The following KCNMA1 variants were observed in gnomAD, a reference collection of about 807,000 sequenced individuals.
KCNMA1 encodes potassium calcium-activated channel subfamily M alpha 1.
Under a neutral mutation model 140.0 loss-of-function variants are expected in KCNMA1, and 29 were observed. The ratio of observed to expected loss-of-function variants is 0.21; its 90% CI spans 0.15 to 0.28. The LOEUF is 0.28. Among genes scored for constraint, KCNMA1 ranks in the 10% least tolerant of loss-of-function variants. The pLI, the probability that KCNMA1 is intolerant of heterozygous loss-of-function variation, is 1.00. For synonymous variants in KCNMA1, 612 were observed against 611.9 expected (o/e 1.00, Z 0.00); for missense variants, 880 against 1,602.2 (o/e 0.55, Z 7.70).
chr10:76,915,952 T>C (rs1382078983), intron 23 of KCNMA1, among the ~76,000 whole-genome samples: 1 of 152,134 alleles, frequency 6.6e-6, no homozygotes, highest in East Asian at 1.9e-4. Flanking sequence ...CTGGAGTTCC[T>C]GGGGCAAGCA....
chr10:77,530,506 A>C (rs1270220075), intron 1 of KCNMA1, among the ~76,000 whole-genome samples: 2 of 152,232 alleles, frequency 1.3e-5, no homozygotes, highest in African/African-American at 2.4e-5. Context: ...AAAAGTGGCC[A>C]TCTTGTCCAC....
At chr10:76,895,042 T>G (rs548604400) in intron 25 of KCNMA1, among the ~76,000 whole-genome samples, 1 of 152,342 alleles carries the variant, frequency 6.6e-6, no homozygotes, top group South Asian at 2.1e-4. Context: ...GACCCGCACT[T>G]AATCGGTTAT....
At chr10:77,464,598 G>A (rs2097946196) in intron 1 of KCNMA1, among the ~76,000 whole-genome samples, 2 of 152,126 alleles carry the variant, frequency 1.3e-5, no homozygotes, top group Non-Finnish European at 2.9e-5. Context: ...TATCACTACT[G>A]CACTTGAGAA....
At chr10:77,435,184 C>T (rs1273008756) in intron 1 of KCNMA1, among the ~76,000 whole-genome samples, 6 of 151,970 alleles carry the variant, frequency 3.9e-5, no homozygotes, top group Non-Finnish European at 5.9e-5. Flanking sequence ...GCGATCTTCC[C>T]GCCTCAGCCT....
intron 1 of KCNMA1, among the ~76,000 whole-genome samples, chr10:77,584,284 C>T (rs562359217): frequency 1.1e-4 from 17 of 152,196 alleles, no homozygotes; most frequent in African/African-American, 3.6e-4. Context: ...CCAACATATA[C>T]GTAAGACTTG....
At chr10:76,890,146 G>GC (rs1205529906) in intron 26 of KCNMA1, among the ~76,000 whole-genome samples, 1 of 152,204 alleles carries the variant, frequency 6.6e-6, no homozygotes, top group Non-Finnish European at 1.5e-5. Flanking sequence ...TTCCCTAGGA[G>GC]CCAGGGGTCT....
intron 1 of KCNMA1, among the ~76,000 whole-genome samples, chr10:77,457,396 T>C (rs1353492987): frequency 6.6e-6 from 1 of 152,126 alleles, no homozygotes; most frequent in East Asian, 1.9e-4. Flanking sequence ...ATTATATCTA[T>C]CACCTCTGGG....
At chr10:77,138,612 C>A (rs1018047721) in intron 5 of KCNMA1, among the ~76,000 whole-genome samples, 1 of 152,136 alleles carries the variant, frequency 6.6e-6, no homozygotes, top group African/African-American at 2.4e-5. Context: ...ATGGTCTTTT[C>A]AAATATCCAT....
At chr10:77,283,343 G>T (rs2069398317) in intron 2 of KCNMA1, among the ~76,000 whole-genome samples, 1 of 152,220 alleles carries the variant, frequency 6.6e-6, no homozygotes. Context: ...GAGGAGGAGG[G>T]AGAAGGAGGC....
At chr10:76,918,722 A>T (rs776444826) in intron 23 of KCNMA1, among the ~76,000 whole-genome samples, 2 of 152,180 alleles carry the variant, frequency 1.3e-5, no homozygotes, top group Non-Finnish European at 2.9e-5. Flanking sequence ...CATTTTATCC[A>T]GCAATCCCAC....
intron 1 of KCNMA1, among the ~76,000 whole-genome samples, chr10:77,422,447 T>C (rs2096887475): frequency 6.6e-6 from 1 of 152,232 alleles, no homozygotes; most frequent in Admixed American, 6.5e-5. Context: ...AGCTGGAGTT[T>C]GCTCCTCCAT....
At chr10:76,972,748 T>A (rs1431525491) in intron 19 of KCNMA1, among the ~76,000 whole-genome samples, 2 of 152,160 alleles carry the variant, frequency 1.3e-5, no homozygotes, top group South Asian at 2.1e-4. Flanking sequence ...GCAGATCTGT[T>A]CCCTGAAGAG....
chr10:76,998,881 T>G (rs1318430147), intron 19 of KCNMA1, among the ~76,000 whole-genome samples: 1 of 152,220 alleles, frequency 6.6e-6, no homozygotes, highest in Non-Finnish European at 1.5e-5. Context: ...GAATGGATTT[T>G]TCTAACTTAT....
intron 3 of KCNMA1, among the ~76,000 whole-genome samples, chr10:77,227,752 A>G (rs773987731): frequency 6.6e-6 from 1 of 150,972 alleles, no homozygotes; most frequent in Non-Finnish European, 1.5e-5. Context: ...TTGTTCACAT[A>G]AAATGGCTAA....
At chr10:77,099,671 G>A (rs940521722) in intron 9 of KCNMA1, among the ~76,000 whole-genome samples, 6 of 149,410 alleles carry the variant, frequency 4.0e-5, no homozygotes, top group African/African-American at 7.4e-5. Context: ...CCAAGATTGC[G>A]CCATTGCACT....
intron 18 of KCNMA1, among the ~76,000 whole-genome samples, chr10:77,003,248 T>C (rs2087102608): frequency 6.6e-6 from 1 of 152,186 alleles, no homozygotes; most frequent in East Asian, 1.9e-4. Context: ...GTTCAGATCA[T>C]CATGCAGCCC....
intron 25 of KCNMA1, among the ~76,000 whole-genome samples, chr10:76,894,468 A>C (rs1161800498): frequency 6.6e-6 from 1 of 152,250 alleles, no homozygotes; most frequent in Admixed American, 6.5e-5. Flanking sequence ...CAAGAAGAAC[A>C]GATTAAATTG....
chr10:77,232,037 G>A (rs1415984479), intron 3 of KCNMA1, among the ~76,000 whole-genome samples: 2 of 152,178 alleles, frequency 1.3e-5, no homozygotes, highest in African/African-American at 4.8e-5. Context: ...CATATACTGT[G>A]TGATCTTTTG....
intron 21 of KCNMA1, among the ~76,000 whole-genome samples, chr10:76,949,661 T>C (rs1453044675): frequency 6.6e-6 from 1 of 152,206 alleles, no homozygotes; most frequent in African/African-American, 2.4e-5. Flanking sequence ...TGAGCAGACC[T>C]TCATAATAAT....
Sources: gnomAD v4.1 joint callset for allele counts (sites outside exome capture counted in the v4.1 genomes callset) on GRCh38, gnomAD v4.1.1 for gene constraint, MANE v1.5 for transcripts, NCBI Gene and HGNC (gene_info 2026-07-23, HGNC 2026-07-21) for gene names.